The following ANKRD44 variants were observed in gnomAD, a reference collection of about 807,000 sequenced individuals.
ANKRD44 encodes serine/threonine-protein phosphatase 6 regulatory ankyrin repeat subunit B.
Under a neutral mutation model 116.0 loss-of-function variants are expected in ANKRD44, and 35 were observed. The observed-to-expected ratio is 0.30, with a 90% CI of 0.23 to 0.40. The LOEUF (loss-of-function observed/expected upper bound fraction) is 0.40. Ranked by LOEUF, ANKRD44 falls within the 10% of genes least tolerant of loss-of-function variation. The probability of loss-of-function intolerance (pLI) is 1.00; values close to 1 mark genes in which losing one functional copy is unlikely to be tolerated. For missense variants in ANKRD44, 1,014 were observed against 1,242.6 expected, an observed-to-expected ratio of 0.82 and a Z score of 2.77; for synonymous variants, 435 against 461.8, an observed-to-expected ratio of 0.94 and a Z score of 0.74.
At chr2:197,072,049 A>AGGAAGGAG (rs2077570834) in intron 16 of ANKRD44, among the ~76,000 whole-genome samples, 3 of 55,598 alleles carry the variant, frequency 5.4e-5, no homozygotes, top group African/African-American at 2.1e-4. Context: ...GGAGGAAAGA[A>AGGAAGGAG]GGAAGGAAGG....
intron 1 of ANKRD44, among the ~76,000 whole-genome samples, chr2:197,309,489 A>T (rs1433977867): frequency 1.3e-5 from 2 of 152,230 alleles, no homozygotes; most frequent in African/African-American, 2.4e-5. Context: ...ACTGCACTTC[A>T]GTTGCAAGAT....
chr2:197,271,527 T>G (rs1574411001), intron 1 of ANKRD44, among the ~76,000 whole-genome samples: 1 of 152,248 alleles, frequency 6.6e-6, no homozygotes. Context: ...GACATTATCT[T>G]ACTAAATGTG....
chr2:197,040,975 T>C (rs904700489), intron 16 of ANKRD44, among the ~76,000 whole-genome samples: 34 of 152,336 alleles, frequency 2.2e-4, no homozygotes, highest in African/African-American at 6.7e-4. Context: ...TTTAATTTTT[T>C]GAAAAGTAAA....
chr2:197,183,342 A>G (rs2080563377), intron 2 of ANKRD44, among the ~76,000 whole-genome samples: 3 of 152,166 alleles, frequency 2.0e-5, no homozygotes, highest in Admixed American at 2.0e-4. Context: ...AGGGGTAAGA[A>G]GACAAATATG....
chr2:197,038,642 T>A (rs936759262), intron 16 of ANKRD44, among the ~76,000 whole-genome samples: 2 of 152,214 alleles, frequency 1.3e-5, no homozygotes, highest in African/African-American at 4.8e-5. Context: ...GTAAAAGAAT[T>A]CCAAACATGT....
At chr2:197,072,054 G>A (rs200494412) in intron 16 of ANKRD44, among the ~76,000 whole-genome samples, 3 of 85,724 alleles carry the variant, frequency 3.5e-5, no homozygotes, top group Admixed American at 2.1e-4. Flanking sequence ...AAAGAAGGAA[G>A]GAAGGAAGGA....
In ANKRD44 at chr2:196,971,067, A is replaced by AT. The variant is rs34902290; in HGVS notation, c.2369-3622dup. On this transcript the variant is annotated intron_variant, in intron 21 of 21. Coordinates refer to the ANKRD44 transcript ENST00000424317. ...CCATAGGCATATTCAATGTTTGCAT[A>AT]TTTTTTTTGCATATAAACCAATTTT... 6.5e-4 allele frequency among the ~76,000 whole-genome samples: 98 copies of AT among 151,828 alleles called. No individual in the cohort carries two copies. In the South Asian group the frequency reaches 9.8e-3, roughly 15 times the overall value.
chr2:197,233,299 G>T (rs764358912), intron 1 of ANKRD44, among the ~76,000 whole-genome samples: 2 of 152,174 alleles, frequency 1.3e-5, no homozygotes, highest in African/African-American at 4.8e-5. Flanking sequence ...ATGCAAGAGC[G>T]TTTGGTAGTG....
chr2:197,271,237 A>G (rs1176857827), intron 1 of ANKRD44, among the ~76,000 whole-genome samples: 1 of 152,334 alleles, frequency 6.6e-6, no homozygotes, highest in East Asian at 1.9e-4. Flanking sequence ...CTCAAAATCC[A>G]TATGTTAAAA....
chr2:197,082,529 T>A (rs1191553767), intron 14 of ANKRD44, among the ~76,000 whole-genome samples: 2 of 152,214 alleles, frequency 1.3e-5, no homozygotes, highest in African/African-American at 4.8e-5. Flanking sequence ...ATGAAAACTT[T>A]ATTTCCATTT....
intron 1 of ANKRD44, among the ~76,000 whole-genome samples, chr2:197,228,983 A>C (rs2697312): frequency 0.99 from 150,785 of 152,314 alleles, 74,660 homozygotes; most frequent in Middle Eastern, 1. Flanking sequence ...TACAGTGAGC[A>C]GAGATTGTGC....
Position 196,987,266 on chromosome 2 carries a change from C to A in ANKRD44, c.*2325G>T. The stretch of plus-strand genomic sequence containing the variant: ...AACTTAAGCATTTTCATATTCATTT[C>A]AATGCAAGTACAAGGGGAAATAGGA... On this transcript the variant is annotated 3_prime_UTR_variant, in exon 28 of 28. Coordinates refer to ENST00000282272, the MANE Select transcript of ANKRD44 (RefSeq NM_001195144.2). The A allele has an allele frequency of 1.0e-6, 1 of 984,806 alleles. No homozygotes were observed. The highest frequency in any genetic ancestry group is 1.2e-6 in the Non-Finnish European group (1 of 829,414). 61.0% of individuals were successfully genotyped at this position (984,806 alleles called of 1,614,324 possible). A position where few individuals can be genotyped will look rare whatever the true frequency, so the allele number is the denominator to read the frequency against.
chr2:197,292,649 T>TA (rs1013529826), intron 1 of ANKRD44, among the ~76,000 whole-genome samples: 5 of 152,198 alleles, frequency 3.3e-5, no homozygotes, highest in African/African-American at 7.2e-5. Flanking sequence ...ACATAGCGTA[T>TA]AAAAATCTTT....
At position 196,993,692 on chromosome 2, in the gene ANKRD44, G is replaced by T; in HGVS notation, c.2832-18C>A. ...GGAGGGGTCTAAAAAACACAAGACCGAGCATCAGTTGTGATACATATTTGG... is the reference window on the plus strand; with the variant it reads ...GGAGGGGTCTAAAAAACACAAGACCTAGCATCAGTTGTGATACATATTTGG... On this transcript the variant is annotated intron_variant, in intron 26 of 27. Coordinates refer to ENST00000282272, the MANE Select transcript of ANKRD44 (RefSeq NM_001195144.2). 6.5e-7 allele frequency: 1 copy of T among 1,546,684 alleles called. No individual in the cohort carries two copies. Among genetic ancestry groups the T allele is most frequent in the South Asian group, 1.2e-5 (1 of 83,902 alleles).
intron 17 of ANKRD44, among the ~76,000 whole-genome samples, chr2:197,022,766 A>C (rs1241975733): frequency 6.6e-6 from 1 of 152,224 alleles, no homozygotes; most frequent in Non-Finnish European, 1.5e-5. Flanking sequence ...CAGGAGGTTA[A>C]GACAGGAGGA....
chr2:197,309,657 T>G (rs2084181848), intron 1 of ANKRD44, among the ~76,000 whole-genome samples: 1 of 152,180 alleles, frequency 6.6e-6, no homozygotes, highest in Admixed American at 6.5e-5. Context: ...TTCCTTTCAC[T>G]ACCCACGAAT....
intron 1 of ANKRD44, among the ~76,000 whole-genome samples, chr2:197,189,544 A>G (rs1472171596): frequency 6.6e-6 from 1 of 152,258 alleles, no homozygotes; most frequent in Non-Finnish European, 1.5e-5. Context: ...CACAAGACAC[A>G]GAGCCAGACA....
chr2:196,991,657 C>G (rs893196871), intron 27 of ANKRD44, among the ~76,000 whole-genome samples: 2 of 152,084 alleles, frequency 1.3e-5, no homozygotes, highest in African/African-American at 4.8e-5. Flanking sequence ...CTTGATTTTA[C>G]TACAGCCTTG....
At position 196,987,894 on chromosome 2, in the gene ANKRD44, T is replaced by C; in HGVS notation, c.*1697A>G. 1.0e-6 allele frequency: 1 copy of C among 982,774 alleles called. No individual in the cohort carries two copies. The highest frequency in any genetic ancestry group is 1.2e-6 in the Non-Finnish European group (1 of 827,538). The allele number at this position is 982,774 out of a possible 1,614,324, so 60.9% of individuals were successfully genotyped here. ...AACATAATTTTATTTCTAAGAGATG[T>C]AATTAAAATACAGAAATGATAGTTT... is the stretch of plus-strand genomic sequence containing the variant. On this transcript the variant is annotated 3_prime_UTR_variant, in exon 28 of 28. Coordinates refer to ENST00000282272, the MANE Select transcript of ANKRD44 (RefSeq NM_001195144.2).
Sources: gnomAD v4.1 joint callset for allele counts (sites outside exome capture counted in the v4.1 genomes callset) on GRCh38, gnomAD v4.1.1 for gene constraint, MANE v1.5 for transcripts, NCBI Gene and HGNC (gene_info 2026-07-23, HGNC 2026-07-21) for gene names.